The following EYS variants were observed in gnomAD, a reference collection of about 807,000 sequenced individuals.
EYS encodes the protein EGF-like photoreceptor maintenance factor.
In EYS, 250 loss-of-function variants were observed where a neutral mutation model predicts 282.1. The observed-to-expected ratio is 0.89, with a 90% CI of 0.80 to 0.98. EYS has a LOEUF of 0.98. Among genes scored for constraint, EYS ranks in the 50% least tolerant of loss-of-function variants. The pLI, the probability that EYS is intolerant of heterozygous loss-of-function variation, is 0.00. For synonymous variants in EYS, 1,355 were observed against 1,282.9 expected (o/e 1.06, Z -1.20); for missense variants, 4,016 against 3,709.0 (o/e 1.08, Z -2.15).
intron 18 of EYS, among the ~76,000 whole-genome samples, chr6:64,898,957 C>A (rs1264949049): frequency 6.6e-6 from 1 of 151,180 alleles, no homozygotes; most frequent in Non-Finnish European, 1.5e-5. Flanking sequence ...ATTAATAAAG[C>A]AAGTACTTAG....
At chr6:65,676,254 A>G (rs1156407117) in intron 1 of EYS, among the ~76,000 whole-genome samples, 1 of 151,792 alleles carries the variant, frequency 6.6e-6, no homozygotes, top group Non-Finnish European at 1.5e-5. Flanking sequence ...AATAGAAAAT[A>G]GAAAAACAAT....
At chr6:65,536,620 A>C (rs1767971918) in intron 2 of EYS, among the ~76,000 whole-genome samples, 2 of 152,260 alleles carry the variant, frequency 1.3e-5, no homozygotes, top group South Asian at 4.1e-4. Context: ...ATGCTAGAAA[A>C]ATGTGATAGT....
At chr6:63,952,601 C>G (rs1271230151) in intron 35 of EYS, among the ~76,000 whole-genome samples, 1 of 142,392 alleles carries the variant, frequency 7.0e-6, no homozygotes, top group African/African-American at 2.5e-5. Context: ...TTTATGCACT[C>G]CTTTTTAGTT....
intron 13 of EYS, among the ~76,000 whole-genome samples, chr6:65,032,083 A>G (rs1286157358): frequency 1.3e-5 from 2 of 152,146 alleles, no homozygotes; most frequent in African/African-American, 4.8e-5. Flanking sequence ...CAAACAAACA[A>G]AAACAACCCT....
chr6:65,339,238 A>G (rs1165078489), intron 10 of EYS, among the ~76,000 whole-genome samples: 1 of 151,198 alleles, frequency 6.6e-6, no homozygotes, highest in East Asian at 1.9e-4. Context: ...ATTAAAGACT[A>G]TTGAAATAGG....
chr6:63,809,868 A>G (rs1337073260), intron 36 of EYS, among the ~76,000 whole-genome samples: 2 of 152,178 alleles, frequency 1.3e-5, no homozygotes, highest in Non-Finnish European at 2.9e-5. Context: ...TCATTTACTA[A>G]GGCAAATTTT....
intron 29 of EYS, among the ~76,000 whole-genome samples, chr6:64,357,238 A>G (rs1028943692): frequency 6.6e-6 from 1 of 151,688 alleles, no homozygotes. Flanking sequence ...AGAATTATAT[A>G]GACAATTGTC....
At chr6:64,085,979 T>G (rs937898451) in intron 31 of EYS, among the ~76,000 whole-genome samples, 9 of 152,254 alleles carry the variant, frequency 5.9e-5, no homozygotes, top group African/African-American at 2.2e-4. Context: ...TAAAACTTTC[T>G]CTTTCCTTGT....
At chr6:65,048,581 A>G (rs1165982955) in intron 13 of EYS, among the ~76,000 whole-genome samples, 4 of 151,900 alleles carry the variant, frequency 2.6e-5, no homozygotes, top group Non-Finnish European at 4.4e-5. Context: ...GGTGATTTAT[A>G]AAACGATAGT....
intron 12 of EYS, among the ~76,000 whole-genome samples, chr6:65,073,456 G>C (rs1773955088): frequency 6.6e-6 from 1 of 151,468 alleles, no homozygotes; most frequent in Non-Finnish European, 1.5e-5. Context: ...AAGCAGCAGA[G>C]ATCAATATGA....
chr6:65,251,068 G>T (rs1349032379), intron 12 of EYS, among the ~76,000 whole-genome samples: 2 of 147,818 alleles, frequency 1.4e-5, no homozygotes, highest in African/African-American at 4.9e-5. Context: ...GGAGAGCACT[G>T]GCCTTAACAC....
intron 12 of EYS, among the ~76,000 whole-genome samples, chr6:65,122,033 TAA>T (rs1775568650): frequency 6.6e-6 from 1 of 152,078 alleles, no homozygotes; most frequent in African/African-American, 2.4e-5. Context: ...TAAAATGACT[TAA>T]GAGAAAATAG....
At chr6:64,146,346 A>G (rs1774517556) in intron 31 of EYS, among the ~76,000 whole-genome samples, 1 of 152,194 alleles carries the variant, frequency 6.6e-6, no homozygotes, top group Non-Finnish European at 1.5e-5. Context: ...TTTAAGATTA[A>G]TCACTGCACA....
intron 12 of EYS, among the ~76,000 whole-genome samples, chr6:65,269,336 G>A (rs1346835675): frequency 6.6e-6 from 1 of 152,194 alleles, no homozygotes; most frequent in Admixed American, 6.6e-5. Context: ...AGATATCACA[G>A]TGAGAGAACT....
At chr6:63,741,155 G>A (rs1445831746) in intron 41 of EYS, among the ~76,000 whole-genome samples, 1 of 152,062 alleles carries the variant, frequency 6.6e-6, no homozygotes, top group Non-Finnish European at 1.5e-5. Flanking sequence ...TTTCTGAGAG[G>A]AATAATAACT....
chr6:65,606,136 G>A (rs1367672570), intron 2 of EYS, among the ~76,000 whole-genome samples: 1 of 151,334 alleles, frequency 6.6e-6, no homozygotes, highest in East Asian at 1.9e-4. Context: ...TAGTCTCTAG[G>A]AAACACAGAG....
intron 16 of EYS, 72 bp downstream of exon 16, chr6:64,912,412 C>T (rs1280478538): frequency 7.1e-7 from 1 of 1,401,422 alleles, no homozygotes; most frequent in Non-Finnish European, 9.9e-7. Flanking sequence ...GGCCATCATC[C>T]CATAGGCACA....
chr6:64,690,188 G>A (rs987499492), intron 22 of EYS, among the ~76,000 whole-genome samples: 6 of 151,926 alleles, frequency 3.9e-5, no homozygotes, highest in Admixed American at 1.3e-4. Context: ...GACACTTCTC[G>A]AAAGAAGACA....
intron 22 of EYS, among the ~76,000 whole-genome samples, chr6:64,687,854 A>AT (rs943323365): frequency 2.0e-5 from 3 of 151,714 alleles, no homozygotes; most frequent in African/African-American, 4.8e-5. Context: ...TGGTCCTGGA[A>AT]TTTTTTTTGG....
Sources: allele counts gnomAD v4.1 joint callset (sites outside exome capture counted in the v4.1 genomes callset), GRCh38; gene constraint gnomAD v4.1.1; transcripts MANE v1.5; gene names NCBI Gene and HGNC (gene_info 2026-07-23, HGNC 2026-07-21).